The following DZIP1 variants were observed in gnomAD, a reference collection of about 807,000 sequenced individuals.
The protein encoded by DZIP1 is cilium assembly protein DZIP1.
A neutral mutation model predicts 107.6 loss-of-function variants in DZIP1; 97 were observed. The observed-to-expected ratio is 0.90, with a 90% CI of 0.77 to 1.07. The LOEUF is 1.07. Among genes scored for constraint, DZIP1 ranks in the 50% least tolerant of loss-of-function variants. The pLI, the probability that DZIP1 is intolerant of heterozygous loss-of-function variation, is 0.00. For synonymous variants in DZIP1, 390 were observed against 386.4 expected (o/e 1.01, Z -0.11); for missense variants, 1,035 against 1,063.6 (o/e 0.97, Z 0.37).
chr13:95,605,539 A>T (rs2044747521), intron 14 of DZIP1, among the ~76,000 whole-genome samples: 1 of 152,218 alleles, frequency 6.6e-6, no homozygotes, highest in African/African-American at 2.4e-5. Context: ...TTTAGTTTCC[A>T]TCACATGTCT....
At chr13:95,617,316 A>T (rs1007890793) in intron 10 of DZIP1, among the ~76,000 whole-genome samples, 1 of 152,106 alleles carries the variant, frequency 6.6e-6, no homozygotes, top group African/African-American at 2.4e-5. Context: ...GTGCACTGCT[A>T]TGGAGAAGGA....
chr13:95,594,052 TTTG>T lies in DZIP1; in HGVS notation c.1569_1571del (p.Asn523del), dbSNP rs773662590. ...TCTTCAAAGCTTTCCTTAAATGCAT[TTTG>T]TTGTTATTTAATTTCTGTTCATTTT... On this transcript the variant is annotated inframe_deletion, in exon 16 of 23. Transcript: ENST00000376829. The T allele has an allele frequency of 3.1e-6, 5 of 1,607,656 alleles. No homozygotes were observed. The highest frequency in any genetic ancestry group is 4.5e-5 in the East Asian group (2 of 44,570).
rs755151480 is a variant in DZIP1, at chr13:95,586,131, C to T, written c.2224G>A (p.Ala742Thr). Residue 742 changes from alanine (A) to threonine (T), a missense_variant, in exon 21 of 23, where the codon GCC becomes ACC. Transcript: ENST00000376829. ...TDDSPKPAGV[A>T]VKTPTEKVEK... ...ACTTTTTCAGTAGGTGTTTTAACGGCGACTCCTATAAGATCAATAAAAATT... is the reference window on the plus strand; with the variant it reads ...ACTTTTTCAGTAGGTGTTTTAACGGTGACTCCTATAAGATCAATAAAAATT... 6.9e-6 allele frequency: 11 copies of T among 1,605,792 alleles called. No homozygotes were observed. The highest frequency in any genetic ancestry group is 1.7e-4 in the Middle Eastern group (1 of 6,010).
At position 95,642,245 on chromosome 13, in the gene DZIP1, C is replaced by A; in HGVS notation, c.-212-4G>T. 2 of 540,806 alleles carry A rather than the reference C, an allele frequency of 3.7e-6. No homozygotes were observed. Among genetic ancestry groups the A allele is most frequent in the South Asian group, 3.3e-5 (1 of 30,056 alleles). 33.5% of individuals were successfully genotyped at this position (540,806 alleles called of 1,614,324 possible). On this transcript the variant is annotated splice_polypyrimidine_tract_variant and splice_region_variant and intron_variant, in intron 3 of 22. Coordinates refer to ENST00000376829, the MANE Select transcript of DZIP1 (RefSeq NM_198968.4). The stretch of plus-strand genomic sequence containing the variant: ...GGGTCAGCGTGCACCCAGAACCCTG[C>A]GGGACCAGAGAAGACCTCTTGGACG...
intron 14 of DZIP1, among the ~76,000 whole-genome samples, chr13:95,601,266 C>T (rs1359518411): frequency 3.3e-5 from 5 of 152,122 alleles, no homozygotes; most frequent in African/African-American, 1.2e-4. Context: ...CCAAAACAAG[C>T]AGGCTGATGT....
At chr13:95,622,607 T>C in intron 8 of DZIP1, 127 bp from the exon 9 acceptor site, 3 of 1,019,184 alleles carry the variant, frequency 2.9e-6, no homozygotes, top group Non-Finnish European at 4.4e-6. Flanking sequence ...CTGGACGCTC[T>C]TGGACGCTTC....
Position 95,580,536 on chromosome 13 carries a change from C to T in DZIP1, c.*1698G>A, listed in dbSNP as rs1183238049. On this transcript the variant is annotated 3_prime_UTR_variant, in exon 23 of 23. Coordinates refer to ENST00000376829, the MANE Select transcript of DZIP1 (RefSeq NM_198968.4). Reference sequence around the variant, plus strand: ...CCTGGCTTAAAGTCTCCCCTTGACACTTTGTACTTGTATGGCTTCTGGCAA... The same window carrying T: ...CCTGGCTTAAAGTCTCCCCTTGACATTTTGTACTTGTATGGCTTCTGGCAA... 2.6e-5 allele frequency: 4 copies of T among 152,162 alleles called. No individual in the cohort carries two copies. Among genetic ancestry groups the T allele is most frequent in the Admixed American group, 6.5e-5 (1 of 15,282 alleles). The allele number at this position is 152,162 out of a possible 1,614,324, so 9.4% of individuals were successfully genotyped here.
At chr13:95,624,059 G>GT (rs1876236841) in intron 8 of DZIP1, among the ~76,000 whole-genome samples, 1 of 152,156 alleles carries the variant, frequency 6.6e-6, no homozygotes, top group Non-Finnish European at 1.5e-5. Context: ...AGTTTAAAGA[G>GT]TTTTAGGAAA....
Position 95,589,206 on chromosome 13 carries a change from T to C in DZIP1, c.1975A>G (p.Ile659Val). 1 of 1,597,080 alleles carries C rather than the reference T, an allele frequency of 6.3e-7. No homozygotes were observed. The highest frequency in any genetic ancestry group is 8.5e-7 in the Non-Finnish European group (1 of 1,169,742). The change falls in exon 19 of 23, where the codon ATT (isoleucine) becomes GTT (valine). Residue 659 changes from isoleucine (I) to valine (V), a missense_variant and splice_region_variant. Ile to Val is a conservative substitution (Grantham distance 29, BLOSUM62 3). Transcript: ENST00000376829. ...VSTDRTSVPK[I>V]KKNVMEDPFP... Reference sequence around the variant, plus strand: ...GGATCTTCCATGACATTTTTCTTAATTCTAAAAAAACAACAGAAAAATATT... The same window carrying C: ...GGATCTTCCATGACATTTTTCTTAACTCTAAAAAAACAACAGAAAAATATT...
intron 13 of DZIP1, 51 bp from the exon 14 acceptor site, chr13:95,606,110 A>G (rs765875332): frequency 1.3e-5 from 21 of 1,594,504 alleles, no homozygotes; most frequent in Admixed American, 3.4e-5. Context: ...TTAAAGCATA[A>G]GCATCCGAAC....
At chr13:95,584,197 A>C (rs2044085219) in intron 22 of DZIP1, among the ~76,000 whole-genome samples, 1 of 151,562 alleles carries the variant, frequency 6.6e-6, no homozygotes, top group South Asian at 2.1e-4. Context: ...GGATGGTCTC[A>C]ATCTCTTGAC....
At chr13:95,620,154 G>A (rs1028400463) in intron 9 of DZIP1, among the ~76,000 whole-genome samples, 1 of 152,132 alleles carries the variant, frequency 6.6e-6, no homozygotes, top group Non-Finnish European at 1.5e-5. Context: ...TCATGGGGGT[G>A]GACTTCCCCC....
chr13:95,581,535 C>A lies in DZIP1; in HGVS notation c.*699G>T, dbSNP rs943394549. 1.3e-5 allele frequency: 2 copies of A among 152,156 alleles called. No homozygotes were observed. Among genetic ancestry groups the A allele is most frequent in the Non-Finnish European group, 2.9e-5 (2 of 68,028 alleles). 9.4% of individuals were successfully genotyped at this position (152,156 alleles called of 1,614,324 possible). On this transcript the variant is annotated 3_prime_UTR_variant, in exon 23 of 23. Transcript: ENST00000376829. ...CTCAAAGCTGAATGTGACAAATGTA[C>A]TCCAGGAAAATGTATTTAACATTGG...
chr13:95,641,318 C>G lies in DZIP1; in HGVS notation c.574G>C (p.Glu192Gln), dbSNP rs200588264. The G allele has an allele frequency of 1.3e-4, 211 of 1,596,544 alleles. No homozygotes were observed. The highest frequency in any genetic ancestry group is 1.7e-4 in the Non-Finnish European group (196 of 1,167,442). ...KMISTQQLMI[E>Q]AKANYYQCHF... ...ACCTGGTAATAGTTGGCTTTGGCCT[C>G]GATCATCAGCTGCTGGGTGGAGATC... The change falls in exon 5 of 23, where the codon GAG (glutamate) becomes CAG (glutamine). Residue 192 changes from glutamate (E) to glutamine (Q), a missense_variant. Physicochemically the swap from Glu to Gln is conservative, Grantham distance 29. Coordinates refer to ENST00000376829, the MANE Select transcript of DZIP1 (RefSeq NM_198968.4). This position sits in a 1 kb window ranked among gnomAD's most constrained non-coding sequence, Gnocchi z 4.3.
At chr13:95,601,341 C>T (rs968512093) in intron 14 of DZIP1, among the ~76,000 whole-genome samples, 14 of 152,166 alleles carry the variant, frequency 9.2e-5, no homozygotes, top group Non-Finnish European at 1.8e-4. Flanking sequence ...AGACTTCAAA[C>T]GTCCCAGATC....
intron 6 of DZIP1, among the ~76,000 whole-genome samples, chr13:95,631,933 G>A (rs975324801): frequency 4.6e-5 from 7 of 152,108 alleles, no homozygotes; most frequent in South Asian, 4.2e-4. Context: ...GACAACAGCC[G>A]TCCATTGTCA....
intron 6 of DZIP1, 54 bp from the exon 7 acceptor site, chr13:95,630,167 A>T: frequency 6.3e-7 from 1 of 1,574,974 alleles, no homozygotes; most frequent in Non-Finnish European, 8.6e-7. Flanking sequence ...ATGTACCTGG[A>T]AACTTATGGG....
intron 8 of DZIP1, among the ~76,000 whole-genome samples, chr13:95,623,171 TGG>T (rs1036786025): frequency 5.3e-5 from 8 of 152,290 alleles, no homozygotes; most frequent in African/African-American, 1.9e-4. Context: ...GTAAATCCAC[TGG>T]GGACATAACG....
chr13:95,587,203 C>G (rs1041916796), intron 20 of DZIP1, among the ~76,000 whole-genome samples: 1 of 152,174 alleles, frequency 6.6e-6, no homozygotes, highest in African/African-American at 2.4e-5. Context: ...CCCTCCCTGG[C>G]AGCCCTCACA....
Sources: allele counts gnomAD v4.1 joint callset (sites outside exome capture counted in the v4.1 genomes callset), GRCh38; gene constraint gnomAD v4.1.1; non-coding constraint Gnocchi (gnomAD v3.1); transcripts MANE v1.5; gene names NCBI Gene and HGNC (gene_info 2026-07-23, HGNC 2026-07-21).